Variants in VAX2 observed in about 807,000 individuals in gnomAD.
VAX2 encodes the protein ventral anterior homeobox 2.
In VAX2, 8 loss-of-function variants were observed where a neutral mutation model predicts 12.5. The observed-to-expected ratio is 0.64, with a 90% confidence interval of 0.37 to 1.15. VAX2 has a LOEUF of 1.15. Ranked by LOEUF, VAX2 falls within the 50% of genes most tolerant of loss-of-function variation. The pLI is 0.01. For synonymous variants in VAX2, 183 were observed against 187.6 expected (o/e 0.98, Z 0.20); for missense variants, 476 against 412.9 (o/e 1.15, Z -1.32).
intron 2 of VAX2, among the ~76,000 whole-genome samples, chr2:70,932,173 G>A (rs1269049544): frequency 1.3e-5 from 2 of 152,178 alleles, no homozygotes; most frequent in Non-Finnish European, 2.9e-5. Context: ...AGGCAGCTGG[G>A]AGACAGGCTC....
At chr2:70,914,919 G>A (rs1572891419) in intron 1 of VAX2, among the ~76,000 whole-genome samples, 1 of 150,958 alleles carries the variant, frequency 6.6e-6, no homozygotes, top group African/African-American at 2.4e-5. Context: ...CTCATGCCTC[G>A]GCCCCTGAGT....
intron 1 of VAX2, among the ~76,000 whole-genome samples, chr2:70,915,960 T>G (rs1321715731): frequency 3.3e-5 from 5 of 152,226 alleles, no homozygotes; most frequent in Admixed American, 1.3e-4. Flanking sequence ...AGATTAAATT[T>G]CCACTTTAGC....
intron 1 of VAX2, among the ~76,000 whole-genome samples, chr2:70,903,033 A>T (rs2104754860): frequency 6.6e-6 from 1 of 152,300 alleles, no homozygotes; most frequent in Admixed American, 6.5e-5. Flanking sequence ...TATGGGCCTG[A>T]AACGCTCAGG....
chr2:70,918,251 C>T (rs189322670), intron 1 of VAX2, among the ~76,000 whole-genome samples: 12 of 152,292 alleles, frequency 7.9e-5, no homozygotes, highest in Admixed American at 5.9e-4. Context: ...TGACTATGAA[C>T]AGGACGGTGC....
intron 2 of VAX2, among the ~76,000 whole-genome samples, chr2:70,925,446 G>C (rs1204190962): frequency 1.3e-5 from 2 of 152,178 alleles, no homozygotes; most frequent in African/African-American, 2.4e-5. Context: ...CTGGGAGAAT[G>C]GTGACACCAT....
chr2:70,908,747 T>A (rs1679120248), intron 1 of VAX2, among the ~76,000 whole-genome samples: 1 of 152,264 alleles, frequency 6.6e-6, no homozygotes, highest in South Asian at 2.1e-4. Flanking sequence ...TTGTTTGTCC[T>A]CCATAAGATG....
chr2:70,910,791 A>C (rs1679164720), intron 1 of VAX2, among the ~76,000 whole-genome samples: 1 of 128,860 alleles, frequency 7.8e-6, no homozygotes, highest in Admixed American at 7.5e-5. Flanking sequence ...CTTAAAAAAA[A>C]AAACAAAACA....
chr2:70,922,481 T>TC (rs1297485368), intron 2 of VAX2, among the ~76,000 whole-genome samples: 1 of 151,754 alleles, frequency 6.6e-6, no homozygotes, highest in Non-Finnish European at 1.5e-5. Flanking sequence ...GCCCCTCAAA[T>TC]CCCCCCAACA....
chr2:70,921,638 T>C (rs1414020311), intron 2 of VAX2, among the ~76,000 whole-genome samples: 1 of 151,854 alleles, frequency 6.6e-6, no homozygotes, highest in Non-Finnish European at 1.5e-5. Context: ...GGTGAGGGCT[T>C]GGCTGGTTGG....
intron 1 of VAX2, among the ~76,000 whole-genome samples, chr2:70,901,894 G>C (rs1678940662): frequency 6.6e-6 from 1 of 152,194 alleles, no homozygotes; most frequent in African/African-American, 2.4e-5. Context: ...GGCGGTAATG[G>C]CTCCCCCAGG....
intron 2 of VAX2, among the ~76,000 whole-genome samples, chr2:70,924,921 T>C (rs1427256046): frequency 1.3e-5 from 2 of 151,842 alleles, no homozygotes; most frequent in Non-Finnish European, 2.9e-5. Flanking sequence ...TAAAAGGAAG[T>C]GTTTTACTGG....
chr2:70,926,305 G>T (rs550503604), intron 2 of VAX2, among the ~76,000 whole-genome samples: 40 of 152,230 alleles, frequency 2.6e-4, no homozygotes, highest in African/African-American at 7.9e-4. Context: ...AAGCATGGCT[G>T]CCCTGGAGAG....
intron 1 of VAX2, among the ~76,000 whole-genome samples, chr2:70,905,551 C>T (rs527264091): frequency 2.0e-5 from 3 of 151,984 alleles, no homozygotes; most frequent in Non-Finnish European, 4.4e-5. Context: ...CTTGTGTGCC[C>T]AGTTTTCATT....
chr2:70,930,387 G>T (rs908846870), intron 2 of VAX2, among the ~76,000 whole-genome samples: 1 of 152,086 alleles, frequency 6.6e-6, no homozygotes, highest in Non-Finnish European at 1.5e-5. Flanking sequence ...TGAACACCCA[G>T]TCATCCTGCT....
intron 1 of VAX2, among the ~76,000 whole-genome samples, chr2:70,915,197 A>G (rs1050424315): frequency 2.0e-5 from 3 of 151,816 alleles, no homozygotes; most frequent in Non-Finnish European, 4.4e-5. Context: ...GCTTTAATAT[A>G]GTCAAATACA....
intron 2 of VAX2, among the ~76,000 whole-genome samples, chr2:70,921,733 C>T (rs1014054642): frequency 3.3e-5 from 5 of 152,118 alleles, no homozygotes; most frequent in Admixed American, 3.3e-4. Context: ...TTCCCACCCT[C>T]CATCACCTTC....
intron 1 of VAX2, among the ~76,000 whole-genome samples, chr2:70,903,412 G>A (rs1277088514): frequency 1.3e-5 from 2 of 152,158 alleles, no homozygotes; most frequent in African/African-American, 2.4e-5. Context: ...CTCCACCTAA[G>A]GGCATACCAC....
intron 2 of VAX2, among the ~76,000 whole-genome samples, chr2:70,930,723 C>T (rs935156560): frequency 8.5e-5 from 13 of 152,372 alleles, no homozygotes; most frequent in African/African-American, 2.6e-4. Flanking sequence ...CTGGGCAGCC[C>T]TCTGGCTCAA....
chr2:70,926,838 A>G (rs116544756), intron 2 of VAX2, among the ~76,000 whole-genome samples: 2,442 of 152,266 alleles, frequency 0.016, 62 homozygotes, highest in African/African-American at 0.055. Flanking sequence ...CAACAAAACT[A>G]TGAGGAAGAG....
Sources: gnomAD v4.1 joint callset for allele counts (sites outside exome capture counted in the v4.1 genomes callset) on GRCh38, gnomAD v4.1.1 for gene constraint, MANE v1.5 for transcripts, NCBI Gene and HGNC (gene_info 2026-07-23, HGNC 2026-07-21) for gene names.